The following TEX15 variants were observed in gnomAD, a reference collection of about 807,000 sequenced individuals.
TEX15 encodes testis-expressed protein 15.
Under a neutral mutation model 237.3 loss-of-function variants are expected in TEX15, and 171 were observed. The ratio of observed to expected loss-of-function variants is 0.72; its 90% CI spans 0.64 to 0.82. The LOEUF (loss-of-function observed/expected upper bound fraction) is 0.82, where lower values mean the gene tolerates loss of function less well. Among genes scored for constraint, TEX15 ranks in the 40% least tolerant of loss-of-function variants. The pLI is 0.00. For synonymous variants in TEX15, 1,338 were observed against 1,269.8 expected, an observed-to-expected ratio of 1.05 and a Z score of -1.14; for missense variants, 3,750 against 3,646.5, an observed-to-expected ratio of 1.03 and a Z score of -0.73.
Position 30,847,398 on chromosome 8 carries a change from G to C in TEX15, c.2769C>G (p.Asn923Lys), listed in dbSNP as rs1254426491. 2.5e-6 allele frequency: 4 copies of C among 1,612,496 alleles called. No homozygotes were observed. Residue 923 changes from asparagine (N) to lysine (K), a missense_variant, in exon 8 of 11, where the codon AAC becomes AAG. Asn to Lys is a moderately conservative substitution (Grantham distance 94). Coordinates refer to ENST00000643185, the MANE Select transcript of TEX15 (RefSeq NM_001350162.2). The part of the protein sequence containing the change: ...LSSEEFSTKF[N>K]LICREDNAVS... ...CTGCATTATCTTCTCTGCAAATCAA[G>C]TTAAATTTAGTAGAAAATTCTTCAG...
intron 3 of TEX15, among the ~76,000 whole-genome samples, chr8:30,879,261 C>T (rs531838893): frequency 1.8e-4 from 28 of 152,226 alleles, no homozygotes; most frequent in Non-Finnish European, 3.2e-4. Context: ...CAGAGTCTTT[C>T]GCAGAGCAAA....
chr8:30,878,710 AG>A (rs1025477806), intron 3 of TEX15, among the ~76,000 whole-genome samples: 3 of 152,002 alleles, frequency 2.0e-5, no homozygotes, highest in Non-Finnish European at 4.4e-5. Flanking sequence ...ATTTTTTTAA[AG>A]ATTGGGTCTT....
Position 30,846,518 on chromosome 8 carries a change from G to GATA in TEX15, c.3646_3648dup (p.Tyr1216dup), listed in dbSNP as rs1807614670. 4 of 1,613,598 alleles carry GATA rather than the reference G, an allele frequency of 2.5e-6. No homozygotes were observed. Reference sequence around the variant, plus strand: ...ATATTATCAACTTTATCTTCACATGGATAATCTGCATTTTCACCAAAAGGC... The same window carrying GATA: ...ATATTATCAACTTTATCTTCACATGGATAATAATCTGCATTTTCACCAAAAGGC... On this transcript the variant is annotated inframe_insertion, in exon 8 of 11. Transcript: ENST00000643185.
At chr8:30,888,498 C>A in intron 2 of TEX15, 1 of 553,390 alleles carries the variant, frequency 1.8e-6, no homozygotes, top group Non-Finnish European at 2.9e-6. Context: ...TTCTCTCTCT[C>A]CCCAAACTCC....
chr8:30,843,030 A>G lies in TEX15; in HGVS notation c.7137T>C (p.Ala2379=). ...ICCISEILDQ[A]EFADLKKLQD... is the part of the protein sequence containing the mutation. ...GTAATTTTTTAAGGTCTGCAAATTC[A>G]GCCTGATCCAATATCTCACTAATAC... Residue 2379 remains alanine, a synonymous_variant, in exon 8 of 11, where the codon GCT becomes GCC. Coordinates refer to ENST00000643185, the MANE Select transcript of TEX15 (RefSeq NM_001350162.2). 1 of 1,613,624 alleles carries G rather than the reference A, an allele frequency of 6.2e-7. No individual in the cohort carries two copies. The highest frequency in any genetic ancestry group is 8.5e-7 in the Non-Finnish European group (1 of 1,179,734).
At position 30,867,500 on chromosome 8, in the gene TEX15, G is replaced by C. The variant is rs1345952765; in HGVS notation, c.305C>G (p.Ser102Ter). The C allele has an allele frequency of 1.3e-6, 2 of 1,523,610 alleles. No homozygotes were observed. Among genetic ancestry groups the C allele is most frequent in the Non-Finnish European group, 1.8e-6 (2 of 1,136,678 alleles). The allele number at this position is 1,523,610 out of a possible 1,614,324, so 94.4% of individuals were successfully genotyped here. Residue 102 changes from serine to a stop codon, truncating the protein, a stop_gained and splice_region_variant, in exon 5 of 11, where the codon TCA (serine) becomes TGA (stop). Transcript: ENST00000643185. LOFTEE classifies it high-confidence loss of function. ...ATGTCTTCCACTTTCACGCATCTCTGACCTAAAGTAAAACAAACAATGTAT... is the reference window on the plus strand; with the variant it reads ...ATGTCTTCCACTTTCACGCATCTCTCACCTAAAGTAAAACAAACAATGTAT... ...ELEKNFTAKR[S>*]EMRESGRHCR...
At chr8:30,906,128 T>C (rs1185360846) in intron 1 of TEX15, among the ~76,000 whole-genome samples, 1 of 152,236 alleles carries the variant, frequency 6.6e-6, no homozygotes, top group Non-Finnish European at 1.5e-5. Flanking sequence ...TAAAGCGCTA[T>C]ATAAGTATTG....
At position 30,846,106 on chromosome 8, in the gene TEX15, TCTGA is replaced by T. The variant is rs764604283; in HGVS notation, c.4057_4060del (p.Ser1353LysfsTer8). 1 of 1,613,532 alleles carries T rather than the reference TCTGA, an allele frequency of 6.2e-7. No homozygotes were observed. Among genetic ancestry groups the T allele is most frequent in the South Asian group, 1.1e-5 (1 of 91,036 alleles). On this transcript the variant is annotated frameshift_variant, in exon 8 of 11. Transcript: ENST00000643185. LOFTEE classifies it high-confidence loss of function. The stretch of plus-strand genomic sequence containing the variant: ...ATTTAGGACACTCTTAATGTGCTTT[TCTGA>T]CTGTGAAAATGTTTTAATTCGTCCT...
chr8:30,883,840 A>G (rs948794103), intron 3 of TEX15, among the ~76,000 whole-genome samples: 1 of 152,182 alleles, frequency 6.6e-6, no homozygotes, highest in African/African-American at 2.4e-5. Flanking sequence ...TGGCAGAATG[A>G]TTTATATTCC....
intron 7 of TEX15, among the ~76,000 whole-genome samples, chr8:30,855,919 G>C (rs1469496747): frequency 6.6e-6 from 1 of 151,960 alleles, no homozygotes; most frequent in Non-Finnish European, 1.5e-5. Flanking sequence ...TGGGGGTCAG[G>C]GATATAATAG....
rs138001991 is a variant in TEX15 at position 30,864,941 on chromosome 8, T to A, written c.540+2324A>T. ...AATAACTTGTTTTAACTACAAAATG[T>A]GTTTTGTAAGCCTTAGGGTAACCAA... On this transcript the variant is annotated intron_variant, in intron 5 of 10. Coordinates refer to ENST00000643185, the MANE Select transcript of TEX15 (RefSeq NM_001350162.2). Among the ~76,000 whole-genome samples the A allele has an allele frequency of 7.0e-3, 1,067 of 152,210 alleles. 9 individuals carry two copies. Among genetic ancestry groups the A allele is most frequent in the Middle Eastern group, 0.027 (8 of 294 alleles).
intron 1 of TEX15, among the ~76,000 whole-genome samples, chr8:30,907,475 A>G (rs1184111111): frequency 6.8e-6 from 1 of 147,558 alleles, no homozygotes; most frequent in East Asian, 1.9e-4. Flanking sequence ...CAAAATGTAT[A>G]TATAAATTAT....
At chr8:30,887,088 A>T (rs1808666171) in intron 3 of TEX15, 79 bp downstream of exon 3, 1 of 1,298,634 alleles carries the variant, frequency 7.7e-7, no homozygotes, top group Admixed American at 2.8e-5. Flanking sequence ...TAGAGTCAAA[A>T]TAAAAGATGA....
At chr8:30,858,237 T>A (rs939828191) in intron 7 of TEX15, among the ~76,000 whole-genome samples, 1 of 151,912 alleles carries the variant, frequency 6.6e-6, no homozygotes, top group Non-Finnish European at 1.5e-5. Context: ...TGCAGTATGA[T>A]TCTAGATCTA....
chr8:30,872,360 G>C (rs1025401558), intron 4 of TEX15, among the ~76,000 whole-genome samples: 3 of 152,118 alleles, frequency 2.0e-5, no homozygotes, highest in African/African-American at 4.8e-5. Flanking sequence ...TCACTTTCAT[G>C]TCTGTGGTGA....
chr8:30,879,228 AGCTTAT>A (rs1808468995), intron 3 of TEX15, among the ~76,000 whole-genome samples: 1 of 151,680 alleles, frequency 6.6e-6, no homozygotes, highest in Non-Finnish European at 1.5e-5. Flanking sequence ...CCCCATTCCT[AGCTTAT>A]CTTCTCACCT....
At chr8:30,865,497 C>T (rs1041215427) in intron 5 of TEX15, among the ~76,000 whole-genome samples, 3 of 151,960 alleles carry the variant, frequency 2.0e-5, no homozygotes, top group South Asian at 2.1e-4. Flanking sequence ...CCAAAGACAA[C>T]GAAAGAAGCT....
Position 30,837,974 on chromosome 8 carries a change from C to CT in TEX15, c.8309dup (p.Val2771GlyfsTer2), listed in dbSNP as rs1162759636. 2 of 1,613,878 alleles carry CT rather than the reference C, an allele frequency of 1.2e-6. No individual in the cohort carries two copies. Among genetic ancestry groups the CT allele is most frequent in the Non-Finnish European group, 1.7e-6 (2 of 1,179,986 alleles). ...CAGGTAGTGATCTTTGCATTTCAAC[C>CT]TTTTTTGGCGTTAAATGATTTCTTT... On this transcript the variant is annotated frameshift_variant, in exon 10 of 11. Coordinates refer to ENST00000643185, the MANE Select transcript of TEX15 (RefSeq NM_001350162.2). LOFTEE classifies it high-confidence loss of function.
intron 7 of TEX15, among the ~76,000 whole-genome samples, chr8:30,858,407 G>T (rs925399225): frequency 1.3e-5 from 2 of 151,938 alleles, no homozygotes; most frequent in Admixed American, 1.3e-4. Flanking sequence ...CACCTCCTGG[G>T]TTCAAGTGAT....
Sources: allele counts gnomAD v4.1 joint callset (sites outside exome capture counted in the v4.1 genomes callset), GRCh38; gene constraint gnomAD v4.1.1; transcripts MANE v1.5; gene names NCBI Gene and HGNC (gene_info 2026-07-23, HGNC 2026-07-21).